ZNF385D: variants seen among roughly 807,000 people sequenced by gnomAD.
ZNF385D encodes the protein zinc finger protein 385D, also known as zinc finger protein 659.
ZNF385D carries 15 observed loss-of-function variants against 35.8 expected under a neutral mutation model. The ratio of observed to expected loss-of-function variants is 0.42; its 90% CI spans 0.28 to 0.64. The LOEUF is 0.64. Ranked by LOEUF, ZNF385D falls within the 30% of genes least tolerant of loss-of-function variation. The pLI, the probability that ZNF385D is intolerant of heterozygous loss-of-function variation, is 0.23. For synonymous variants in ZNF385D, 212 were observed against 186.8 expected, an observed-to-expected ratio of 1.13 and a Z score of -1.10; for missense variants, 474 against 494.6, an observed-to-expected ratio of 0.96 and a Z score of 0.39.
At position 22,217,248 on chromosome 3, in the gene ZNF385D, C is replaced by T. The variant is rs201415146; in HGVS notation, c.107-48213G>A. Among the ~76,000 whole-genome samples, 3 of 152,186 alleles carry T rather than the reference C, an allele frequency of 2.0e-5. No homozygotes were observed. In the East Asian group the frequency reaches 5.8e-4, roughly 29 times the overall value. On this transcript the variant is annotated intron_variant, in intron 2 of 5. Coordinates refer to the ZNF385D transcript ENST00000494108. ...CTTGCTCACTGCTTCTCACAGAAAC[C>T]ACAATAAACACTTTTGCCCATGTTT...
chr3:21,773,831 T>G (rs558579589), intron 3 of ZNF385D, among the ~76,000 whole-genome samples: 38 of 151,894 alleles, frequency 2.5e-4, no homozygotes, highest in African/African-American at 8.4e-4. Context: ...GGAGTGTAAA[T>G]TAGTTCAACC....
intron 2 of ZNF385D, among the ~76,000 whole-genome samples, chr3:22,296,983 C>T (rs908317258): frequency 6.6e-6 from 1 of 152,114 alleles, no homozygotes; most frequent in Admixed American, 6.6e-5. Context: ...TTTGCCCTAA[C>T]ATTTTCAGGG....
chr3:21,904,849 T>C (rs192076456), intron 3 of ZNF385D, among the ~76,000 whole-genome samples: 14 of 152,262 alleles, frequency 9.2e-5, no homozygotes, highest in Admixed American at 2.6e-4. Context: ...ATGTTTGCAT[T>C]ATGTTGTTGA....
chr3:21,646,278 T>C lies in ZNF385D; in HGVS notation c.165+18608A>G, dbSNP rs2065750830. 6.6e-6 allele frequency among the ~76,000 whole-genome samples: 1 copy of C among 152,200 alleles called. No individual in the cohort carries two copies. Among genetic ancestry groups the C allele is most frequent in the Admixed American group, 6.5e-5 (1 of 15,274 alleles). ...AGAGGAGAGGAAACTGTCATACTTA[T>C]GGACCTGCTTATTTGTGATTGCGCT... On this transcript the variant is annotated intron_variant, in intron 2 of 7. Coordinates refer to ENST00000281523, the MANE Select transcript of ZNF385D (RefSeq NM_024697.3). This position sits in a 1 kb window ranked among gnomAD's most constrained non-coding sequence, Gnocchi z 4.3.
chr3:22,137,934 C>T (rs1428045485), intron 3 of ZNF385D, among the ~76,000 whole-genome samples: 1 of 151,990 alleles, frequency 6.6e-6, no homozygotes, highest in Non-Finnish European at 1.5e-5. Flanking sequence ...TCGTCTCAGC[C>T]CAAAATCTCC....
chr3:22,092,178 C>G (rs1468619116), intron 3 of ZNF385D, among the ~76,000 whole-genome samples: 1 of 152,170 alleles, frequency 6.6e-6, no homozygotes, highest in Non-Finnish European at 1.5e-5. Context: ...CAATTTACTG[C>G]TTTATTTCTG....
intron 3 of ZNF385D, among the ~76,000 whole-genome samples, chr3:22,145,349 G>A (rs1348320091): frequency 6.6e-6 from 1 of 152,164 alleles, no homozygotes; most frequent in Non-Finnish European, 1.5e-5. Flanking sequence ...AAACTAAAAT[G>A]CCTAAGCTTA....
intron 2 of ZNF385D, among the ~76,000 whole-genome samples, chr3:21,576,213 A>G (rs1453858326): frequency 6.6e-6 from 1 of 152,322 alleles, no homozygotes; most frequent in East Asian, 1.9e-4. Flanking sequence ...ACAAAGGCCA[A>G]CACCCACAGT....
intron 2 of ZNF385D, among the ~76,000 whole-genome samples, chr3:22,280,984 T>C (rs968995565): frequency 9.9e-5 from 15 of 152,198 alleles, no homozygotes; most frequent in African/African-American, 2.9e-4. Context: ...TTGTTTTGTT[T>C]TGTTTTTCCA....
intron 2 of ZNF385D, chr3:21,579,129 T>C (rs2063578990): frequency 6.6e-6 from 1 of 152,160 alleles, no homozygotes. Context: ...AGAAGTCAGG[T>C]TTCTCGATGT....
chr3:21,586,887 T>G (rs552453891), intron 2 of ZNF385D, among the ~76,000 whole-genome samples: 1 of 152,272 alleles, frequency 6.6e-6, no homozygotes, highest in Non-Finnish European at 1.5e-5. Flanking sequence ...GTTAAGTACT[T>G]GGGAACAGAG....
At chr3:22,353,580 C>A (rs1426741363) in intron 2 of ZNF385D, among the ~76,000 whole-genome samples, 1 of 152,150 alleles carries the variant, frequency 6.6e-6, no homozygotes, top group Non-Finnish European at 1.5e-5. Flanking sequence ...GACTGTAGCA[C>A]TATCCCCCCT....
intron 3 of ZNF385D, among the ~76,000 whole-genome samples, chr3:22,082,473 C>T (rs763242956): frequency 2.0e-5 from 3 of 152,202 alleles, no homozygotes; most frequent in Non-Finnish European, 4.4e-5. Flanking sequence ...CGAGATCAAA[C>T]TGCAAGGCGG....
In ZNF385D at chr3:21,418,061, A is replaced by G. The variant is rs1054770129; in HGVS notation, c.*3153T>C. The stretch of plus-strand genomic sequence containing the variant: ...CATAAGAGAAATACAGTACCTCCCC[A>G]ATGACTGTTTCCCATTTGTCTGGAC... On this transcript the variant is annotated 3_prime_UTR_variant, in exon 8 of 8. Transcript: ENST00000281523. 6.6e-6 allele frequency: 1 copy of G among 152,158 alleles called. No homozygotes were observed. Among genetic ancestry groups the G allele is most frequent in the African/African-American group, 2.4e-5 (1 of 41,454 alleles). The allele number at this position is 152,158 out of a possible 1,614,324, so 9.4% of individuals were successfully genotyped here.
chr3:22,162,513 T>C (rs2125743105), intron 3 of ZNF385D, among the ~76,000 whole-genome samples: 1 of 152,268 alleles, frequency 6.6e-6, no homozygotes, highest in Middle Eastern at 3.4e-3. Flanking sequence ...CCACCATCTA[T>C]ACTTTCTGAG....
chr3:21,541,372 G>A (rs962412338), intron 3 of ZNF385D, among the ~76,000 whole-genome samples: 1 of 152,124 alleles, frequency 6.6e-6, no homozygotes, highest in Admixed American at 6.5e-5. Flanking sequence ...GCCTCAAACT[G>A]CTCTAAAAAT....
chr3:21,634,210 G>GA lies in ZNF385D; in HGVS notation c.165+30675dup, dbSNP rs569432542. On this transcript the variant is annotated intron_variant, in intron 2 of 7. Transcript: ENST00000281523. ...AGAACCTGTCTCAAAAAAATAGAAA[G>GA]AAAGAGAGAAAGAGAAAGAGAGGAA... is the stretch of plus-strand genomic sequence containing the variant. 1.7e-3 allele frequency among the ~76,000 whole-genome samples: 252 copies of GA among 150,044 alleles called. 2 individuals carry two copies. The highest frequency in any genetic ancestry group is 0.012 in the East Asian group (62 of 5,052).
chr3:21,736,001 G>T (rs2069226354), intron 1 of ZNF385D, among the ~76,000 whole-genome samples: 1 of 152,196 alleles, frequency 6.6e-6, no homozygotes, highest in Non-Finnish European at 1.5e-5. Context: ...ATAACAAAGG[G>T]TAGTGCCAGT....
chr3:22,001,745 A>T (rs1164832954), intron 3 of ZNF385D, among the ~76,000 whole-genome samples: 1 of 151,724 alleles, frequency 6.6e-6, no homozygotes, highest in Non-Finnish European at 1.5e-5. Context: ...GTCTCAATTA[A>T]AAAAAAATCT....
Sources: gnomAD v4.1 joint callset for allele counts (sites outside exome capture counted in the v4.1 genomes callset) on GRCh38, gnomAD v4.1.1 for gene constraint, Gnocchi (gnomAD v3.1) non-coding constraint, MANE v1.5 for transcripts, NCBI Gene and HGNC (gene_info 2026-07-23, HGNC 2026-07-21) for gene names.